Variants in NGEF observed in about 807,000 individuals in gnomAD.
NGEF encodes the protein ephexin-1.
A neutral mutation model predicts 80.9 loss-of-function variants in NGEF; 31 were observed. That is an observed-to-expected ratio of 0.38 (90% CI 0.29 to 0.52). The LOEUF (loss-of-function observed/expected upper bound fraction) is 0.52, where lower values mean the gene tolerates loss of function less well. Among genes scored for constraint, NGEF ranks in the 20% least tolerant of loss-of-function variants. The probability of loss-of-function intolerance (pLI) is 0.84; values close to 1 mark genes in which losing one functional copy is unlikely to be tolerated. For missense variants in NGEF, 709 were observed against 926.2 expected, an observed-to-expected ratio of 0.77 and a Z score of 3.04; for synonymous variants, 371 against 370.2, an observed-to-expected ratio of 1.00 and a Z score of -0.03.
chr2:232,882,473 G>T (rs577824783), intron 12 of NGEF, among the ~76,000 whole-genome samples: 2 of 152,274 alleles, frequency 1.3e-5, no homozygotes, highest in Admixed American at 1.3e-4. Context: ...AGGGGCATGG[G>T]GGAGCCCCTC....
chr2:232,915,664 C>T (rs988473581), intron 5 of NGEF, among the ~76,000 whole-genome samples: 1 of 152,034 alleles, frequency 6.6e-6, no homozygotes, highest in Non-Finnish European at 1.5e-5. Flanking sequence ...GGCAACGTCT[C>T]CTCTTGTTTC....
At chr2:232,917,569 A>C (rs1161730102) in intron 5 of NGEF, among the ~76,000 whole-genome samples, 1 of 151,788 alleles carries the variant, frequency 6.6e-6, no homozygotes, top group East Asian at 1.9e-4. Flanking sequence ...TCCCGGGTTC[A>C]AGTGATTCTC....
chr2:232,905,479 TG>T (rs1692480775), intron 5 of NGEF, among the ~76,000 whole-genome samples: 1 of 152,336 alleles, frequency 6.6e-6, no homozygotes, highest in East Asian at 1.9e-4. Flanking sequence ...CCGCCTGTCT[TG>T]GCCCCCCAAA....
intron 3 of NGEF, among the ~76,000 whole-genome samples, chr2:232,934,112 C>T (rs764488504): frequency 3.9e-5 from 6 of 151,938 alleles, no homozygotes; most frequent in East Asian, 1.9e-4. Context: ...CGTGATGGCA[C>T]GCACCTGTAG....
chr2:232,938,758 A>AG (rs56163640), intron 3 of NGEF, among the ~76,000 whole-genome samples: 1 of 146,642 alleles, frequency 6.8e-6, no homozygotes, highest in African/African-American at 2.5e-5. Flanking sequence ...AAAAAAAAAA[A>AG]GGAAATAAAT....
intron 3 of NGEF, among the ~76,000 whole-genome samples, chr2:232,946,455 A>G (rs775187276): frequency 9.9e-5 from 15 of 152,244 alleles, no homozygotes; most frequent in Non-Finnish European, 1.8e-4. Context: ...TCAAAAAAAG[A>G]AAAGTGAGAT....
intron 1 of NGEF, among the ~76,000 whole-genome samples, chr2:232,994,832 G>T (rs1281378799): frequency 6.6e-6 from 1 of 151,662 alleles, no homozygotes; most frequent in Non-Finnish European, 1.5e-5. Context: ...TAACATAGAA[G>T]ATACTATTCC....
At chr2:232,948,586 G>A (rs1357933061) in intron 3 of NGEF, among the ~76,000 whole-genome samples, 1 of 152,162 alleles carries the variant, frequency 6.6e-6, no homozygotes, top group Non-Finnish European at 1.5e-5. Flanking sequence ...TTTGACTCTA[G>A]ATTGAGGCCA....
rs148425185 is a variant in NGEF, at chr2:232,884,316, C to CTG, written c.1438-174_1438-173dup. 6.5e-3 allele frequency among the ~76,000 whole-genome samples: 987 copies of CTG among 151,348 alleles called. 13 individuals carry two copies. Among genetic ancestry groups the CTG allele is most frequent in the African/African-American group, 0.022 (901 of 41,320 alleles). ...GGACGGATGCAGAGAGATGGCAGGG[C>CTG]TGTGTGTGTGTGTGTGAACATGCAC... is the stretch of plus-strand genomic sequence containing the variant. On this transcript the variant is annotated intron_variant, in intron 10 of 14. Transcript: ENST00000264051.
At chr2:232,903,243 T>C (rs1692407272) in intron 5 of NGEF, among the ~76,000 whole-genome samples, 1 of 151,598 alleles carries the variant, frequency 6.6e-6, no homozygotes, top group Non-Finnish European at 1.5e-5. Context: ...GTATAAATAA[T>C]GCTGCAATGA....
intron 1 of NGEF, among the ~76,000 whole-genome samples, chr2:232,976,075 C>A (rs1239589596): frequency 6.6e-6 from 1 of 152,086 alleles, no homozygotes; most frequent in Non-Finnish European, 1.5e-5. Context: ...GTGGCACATG[C>A]CTGTAGTCCC....
chr2:232,935,334 C>T (rs1449063767), intron 3 of NGEF, among the ~76,000 whole-genome samples: 1 of 152,152 alleles, frequency 6.6e-6, no homozygotes, highest in Non-Finnish European at 1.5e-5. Flanking sequence ...AAACTCAAGA[C>T]CTGCCAGGCT....
At chr2:232,998,799 A>G (rs953335241) in intron 1 of NGEF, among the ~76,000 whole-genome samples, 3 of 152,042 alleles carry the variant, frequency 2.0e-5, no homozygotes, top group Non-Finnish European at 2.9e-5. Flanking sequence ...CCCTCCCAGC[A>G]TGTCCTAGCA....
chr2:233,002,712 C>T (rs572050392), intron 1 of NGEF, among the ~76,000 whole-genome samples: 2 of 152,278 alleles, frequency 1.3e-5, no homozygotes, highest in South Asian at 2.1e-4. Context: ...AATTGATTGA[C>T]GTTCAGGAAA....
chr2:232,901,616 G>A (rs1692360153), intron 5 of NGEF, among the ~76,000 whole-genome samples: 1 of 152,196 alleles, frequency 6.6e-6, no homozygotes, highest in Non-Finnish European at 1.5e-5. Flanking sequence ...TCACGGCCAG[G>A]AAACAAAACG....
intron 3 of NGEF, among the ~76,000 whole-genome samples, chr2:232,969,555 T>C (rs35868339): frequency 0.87 from 128,486 of 147,272 alleles, 56,248 homozygotes; most frequent in African/African-American, 0.93. Flanking sequence ...ATCACCAGGA[T>C]TGGAGTGCAG....
At chr2:232,977,876 A>T (rs1444742858) in intron 1 of NGEF, among the ~76,000 whole-genome samples, 1 of 152,184 alleles carries the variant, frequency 6.6e-6, no homozygotes, top group East Asian at 1.9e-4. Context: ...ATTGCAGGTC[A>T]GTGACTTGTG....
chr2:232,926,400 T>A (rs1693068364), intron 4 of NGEF, among the ~76,000 whole-genome samples: 1 of 152,016 alleles, frequency 6.6e-6, no homozygotes, highest in African/African-American at 2.4e-5. Context: ...CCATTTTCCC[T>A]ATTCACAGTG....
At position 232,970,268 on chromosome 2, in the gene NGEF, C is replaced by T. The variant is rs1159906056; in HGVS notation, c.329G>A (p.Arg110Lys). 6.2e-7 allele frequency: 1 copy of T among 1,606,272 alleles called. No individual in the cohort carries two copies. The highest frequency in any genetic ancestry group is 1.3e-5 in the African/African-American group (1 of 74,334). ...EPLTLNIPWS[R>K]MPPCRTAMQT... ...CATTGCTGTTCTGCAAGGAGGCATTCTGCTCCAGGGGATATTCAAGGTCAG... is the reference window on the plus strand; with the variant it reads ...CATTGCTGTTCTGCAAGGAGGCATTTTGCTCCAGGGGATATTCAAGGTCAG... The change falls in exon 3 of 15, where the codon AGA becomes AAA. Residue 110 changes from arginine to lysine, a missense_variant. Arg to Lys is a conservative substitution (Grantham distance 26). Around this residue, in one of 2 missense-constraint regions of NGEF, gnomAD observed 283 missense variants for 303.4 expected, o/e 0.93. Coordinates refer to ENST00000264051, the MANE Select transcript of NGEF (RefSeq NM_019850.3).
Sources: allele counts gnomAD v4.1 joint callset (sites outside exome capture counted in the v4.1 genomes callset), GRCh38; gene constraint gnomAD v4.1.1; regional missense constraint gnomAD v4.1.1; transcripts MANE v1.5; gene names NCBI Gene and HGNC (gene_info 2026-07-23, HGNC 2026-07-21).